The following OTOA variants were observed in gnomAD, a reference collection of about 807,000 sequenced individuals.
The protein encoded by OTOA is cancer/testis antigen 108.
Under a neutral mutation model 110.8 loss-of-function variants are expected in OTOA, and 70 were observed. The observed-to-expected ratio is 0.63, with a 90% CI of 0.52 to 0.77. OTOA has a LOEUF of 0.77. Ranked by LOEUF, OTOA falls within the 30% of genes least tolerant of loss-of-function variation. The pLI, the probability that OTOA is intolerant of heterozygous loss-of-function variation, is 0.00. For synonymous variants in OTOA, 373 were observed against 431.5 expected, an observed-to-expected ratio of 0.86 and a Z score of 1.68; for missense variants, 917 against 1,075.8, an observed-to-expected ratio of 0.85 and a Z score of 2.06.
chr16:21,675,386 GC>G (rs1481305236), intron 1 of OTOA, among the ~76,000 whole-genome samples: 1 of 135,562 alleles, frequency 7.4e-6, no homozygotes, highest in African/African-American at 2.8e-5. Flanking sequence ...TGAACTCTTG[GC>G]CTCAAGTGAT....
At position 21,718,595 on chromosome 16, in the gene OTOA, T is replaced by C. The variant is rs115296387; in HGVS notation, c.1630-538T>C. Among the ~76,000 whole-genome samples, 923 of 152,336 alleles carry C rather than the reference T, an allele frequency of 6.1e-3. 15 individuals carry two copies. The highest frequency in any genetic ancestry group is 0.021 in the African/African-American group (864 of 41,572). ...GTAGTACTTGATTGCGTCTGCAAGT[T>C]AGGGATTCTGTAAAATTATGTTCCT... is the stretch of plus-strand genomic sequence containing the variant. On this transcript the variant is annotated intron_variant, in intron 15 of 28. Transcript: ENST00000646100.
chr16:21,686,631 A>G (rs1897716416), intron 7 of OTOA, among the ~76,000 whole-genome samples: 1 of 152,002 alleles, frequency 6.6e-6, no homozygotes, highest in Non-Finnish European at 1.5e-5. Flanking sequence ...TGGGCTGGGC[A>G]TGGTGGCTCA....
At position 21,719,209 on chromosome 16, in the gene OTOA, G is replaced by C. The variant is rs779347130; in HGVS notation, c.1688+18G>C. ...CTTTTGAGGTAGGAAAATGTAACTC[G>C]GCCTGGGTGCTGAACAGGCCTTTCA... On this transcript the variant is annotated intron_variant, in intron 16 of 28. Transcript: ENST00000646100. The C allele has an allele frequency of 6.2e-7, 1 of 1,613,982 alleles. No individual in the cohort carries two copies. Among genetic ancestry groups the C allele is most frequent in the East Asian group, 2.2e-5 (1 of 44,886 alleles).
intron 28 of OTOA, among the ~76,000 whole-genome samples, chr16:21,760,158 C>T (rs942624989): frequency 6.6e-6 from 1 of 151,740 alleles, no homozygotes; most frequent in East Asian, 1.9e-4. Context: ...TCAGAATCAC[C>T]TGGGAGAGAT....
chr16:21,700,796 A>G, intron 10 of OTOA, 92 bp from the exon 11 acceptor site: 5 of 1,485,592 alleles, frequency 3.4e-6, no homozygotes, highest in African/African-American at 1.4e-5. Context: ...CCAAGTGTCC[A>G]TGATGGGGCA....
At chr16:21,668,767 G>C (rs1023015416) in intron 1 of OTOA, among the ~76,000 whole-genome samples, 1 of 151,952 alleles carries the variant, frequency 6.6e-6, no homozygotes, top group Non-Finnish European at 1.5e-5. Context: ...CAGACATGAC[G>C]TGTTTGAATC....
chr16:21,727,586 T>G (rs2141718246), intron 19 of OTOA, among the ~76,000 whole-genome samples: 1 of 152,306 alleles, frequency 6.6e-6, no homozygotes, highest in East Asian at 1.9e-4. Context: ...GCAAAAGAGC[T>G]TTGAAGGCTT....
intron 15 of OTOA, among the ~76,000 whole-genome samples, chr16:21,718,012 AG>A (rs376750595): frequency 6.6e-5 from 10 of 152,260 alleles, no homozygotes; most frequent in African/African-American, 2.4e-4. Flanking sequence ...GCTGGGGTGC[AG>A]TGGCACAATC....
At chr16:21,693,573 G>C (rs1380004426) in intron 9 of OTOA, among the ~76,000 whole-genome samples, 1 of 152,016 alleles carries the variant, frequency 6.6e-6, no homozygotes. Context: ...ACTGGTAGCG[G>C]CTATGAAGAA....
intron 19 of OTOA, chr16:21,727,020 T>G (rs1898941843): frequency 7.7e-6 from 2 of 259,968 alleles, no homozygotes; most frequent in South Asian, 8.6e-5. Flanking sequence ...GAGTTTTTTT[T>G]TTTTTTTTTT....
chr16:21,721,104 G>A (rs1898720009), intron 17 of OTOA, among the ~76,000 whole-genome samples: 1 of 151,008 alleles, frequency 6.6e-6, no homozygotes, highest in Non-Finnish European at 1.5e-5. Flanking sequence ...TAGTAGGGAC[G>A]GGGTTTCATC....
chr16:21,686,192 C>T (rs1897707698), intron 7 of OTOA, among the ~76,000 whole-genome samples: 1 of 151,992 alleles, frequency 6.6e-6, no homozygotes, highest in Non-Finnish European at 1.5e-5. Context: ...CCCTAGTACC[C>T]ATGGGGCTTA....
At chr16:21,684,758 TATTATTA>T (rs1966977060) in intron 6 of OTOA, among the ~76,000 whole-genome samples, 1 of 71,194 alleles carries the variant, frequency 1.4e-5, no homozygotes, top group African/African-American at 4.2e-5. Flanking sequence ...TTATTATTAT[TATTATTA>T]TTTTTTAGGT....
chr16:21,687,442 A>G lies in OTOA; in HGVS notation c.429A>G (p.Gly143=). Residue 143 remains glycine, a synonymous_variant, in exon 8 of 29, where the codon GGA becomes GGG. Transcript: ENST00000646100. ...LDLKDIIIDL[G]EIRERALQSP... ...TGAAAGACATCATCATCGACTTAGG[A>G]GAGATTCGAGAACGAGCCTTGCAGA... The G allele has an allele frequency of 6.2e-7, 1 of 1,614,058 alleles. No homozygotes were observed.
At chr16:21,722,510 C>T (rs1898788604) in intron 17 of OTOA, among the ~76,000 whole-genome samples, 1 of 151,500 alleles carries the variant, frequency 6.6e-6, no homozygotes, top group Admixed American at 6.6e-5. Context: ...TATATATGCA[C>T]ATGCATAAAA....
At chr16:21,736,974 A>C (rs1428455421) in intron 22 of OTOA, among the ~76,000 whole-genome samples, 1 of 152,310 alleles carries the variant, frequency 6.6e-6, no homozygotes, top group Non-Finnish European at 1.5e-5. Context: ...TAGTGGTTTA[A>C]CATAGCAGTG....
chr16:21,758,495 CG>C (rs1399597893), intron 28 of OTOA, among the ~76,000 whole-genome samples: 2 of 148,170 alleles, frequency 1.3e-5, no homozygotes, highest in Non-Finnish European at 3.0e-5. Flanking sequence ...GAGTAGGTAC[CG>C]GCATGGGCAA....
At chr16:21,702,404 A>G (rs1898071625) in intron 11 of OTOA, among the ~76,000 whole-genome samples, 1 of 152,150 alleles carries the variant, frequency 6.6e-6, no homozygotes, top group Non-Finnish European at 1.5e-5. Context: ...AGTAATTTTC[A>G]CTTATTAGCA....
chr16:21,703,589 G>A (rs1898095489), intron 11 of OTOA, among the ~76,000 whole-genome samples: 1 of 152,058 alleles, frequency 6.6e-6, no homozygotes, highest in Non-Finnish European at 1.5e-5. Context: ...TCTCAACGTG[G>A]TTATTAACGT....
Sources: allele counts gnomAD v4.1 joint callset (sites outside exome capture counted in the v4.1 genomes callset), GRCh38; gene constraint gnomAD v4.1.1; transcripts MANE v1.5; gene names NCBI Gene and HGNC (gene_info 2026-07-23, HGNC 2026-07-21).